GRSF1: variants seen among roughly 807,000 people sequenced by gnomAD.
GRSF1 encodes the protein G-rich sequence factor 1.
GRSF1 carries 50 observed loss-of-function variants against 51.1 expected under a neutral mutation model. That is an observed-to-expected ratio of 0.98 (90% CI 0.78 to 1.24). The LOEUF (loss-of-function observed/expected upper bound fraction) is 1.24. GRSF1 is among the 50% of genes most tolerant of loss of function. The pLI is 0.00. For missense variants in GRSF1, 700 were observed against 639.7 expected, an observed-to-expected ratio of 1.09 and a Z score of -1.02; for synonymous variants, 293 against 253.3, an observed-to-expected ratio of 1.16 and a Z score of -1.49.
chr4:70,826,545 A>C (rs1351152576), intron 6 of GRSF1, among the ~76,000 whole-genome samples: 1 of 152,080 alleles, frequency 6.6e-6, no homozygotes, highest in African/African-American at 2.4e-5. Flanking sequence ...TGAAAAAAAA[A>C]AAAAAGAACA....
rs1328440217 is a variant in GRSF1, at chr4:70,832,375, T to G, written c.746A>C (p.Asp249Ala). 2 of 1,611,744 alleles carry G rather than the reference T, an allele frequency of 1.2e-6. No homozygotes were observed. The highest frequency in any genetic ancestry group is 1.7e-6 in the Non-Finnish European group (2 of 1,178,372). The change falls in exon 4 of 10, where the codon GAT (aspartate) becomes GCT (alanine). Residue 249 changes from aspartate to alanine, a missense_variant. Transcript: ENST00000254799. ...LQVKSSPVVN[D>A]GVVRLRGLPY... is the part of the protein sequence containing the mutation. ...AAGTCCTCTCAAACGAACCACACCA[T>G]CATTTACCACAGGCGAAGATTTGAC...
chr4:70,839,116 A>C, intron 1 of GRSF1: 1 of 1,296,952 alleles, frequency 7.7e-7, no homozygotes, highest in Non-Finnish European at 1.0e-6. Context: ...CAACTTCACA[A>C]CCAGCCGGCG....
intron 1 of GRSF1, among the ~76,000 whole-genome samples, chr4:70,837,998 G>C (rs945682365): frequency 3.3e-5 from 5 of 151,686 alleles, no homozygotes; most frequent in African/African-American, 7.2e-5. Context: ...TTGGGAGGCA[G>C]AGGCGGGCGG....
rs1222684258 is a variant in GRSF1 at position 70,817,754 on chromosome 4, T to C, written c.*3133A>G. The C allele has an allele frequency of 6.6e-6, 1 of 152,218 alleles. No homozygotes were observed. The allele number at this position is 152,218 out of a possible 1,614,324, so 9.4% of individuals were successfully genotyped here. ...CTTAACTTACAATCCAGCAACCTGG[T>C]TCCTTGGTATTTACCCAAAGGAGCT... On this transcript the variant is annotated 3_prime_UTR_variant, in exon 10 of 10. Transcript: ENST00000254799.
At position 70,839,651 on chromosome 4, in the gene GRSF1, A is replaced by G; in HGVS notation, c.177T>C (p.Ala59=). The G allele has an allele frequency of 7.2e-7, 1 of 1,395,886 alleles. No individual in the cohort carries two copies. Among genetic ancestry groups the G allele is most frequent in the Non-Finnish European group, 9.2e-7 (1 of 1,088,132 alleles). 86.5% of individuals were successfully genotyped at this position (1,395,886 alleles called of 1,614,324 possible). A position where few individuals can be genotyped will look rare whatever the true frequency, so the allele number is the denominator to read the frequency against. Residue 59 remains alanine, a synonymous_variant, in exon 1 of 10, where the codon GCT becomes GCC. Coordinates refer to ENST00000254799, the MANE Select transcript of GRSF1 (RefSeq NM_002092.4). ...TCTGGAGGCCACGCGTCTGGGAGGC[A>G]GCGGCCGCGGCGGCCCCGAGCAGCA... The part of the protein sequence containing the change: ...LLLLLGAAAA[A]ASQTRGLQTG...
rs78442423 is a variant in GRSF1 at position 70,832,248 on chromosome 4, A to G, written c.814+59T>C. ...AGAAACAGGCTCATCTAAGATATAGAAGGAGATACCAAGGGAAAAAAGATA... is the reference window on the plus strand; with the variant it reads ...AGAAACAGGCTCATCTAAGATATAGGAGGAGATACCAAGGGAAAAAAGATA... On this transcript the variant is annotated intron_variant, in intron 4 of 9. Transcript: ENST00000254799. 613 of 1,462,438 alleles carry G rather than the reference A, an allele frequency of 4.2e-4. 3 individuals carry two copies. In the African/African-American group the frequency reaches 7.5e-3, roughly 18 times the overall value. The allele number at this position is 1,462,438 out of a possible 1,614,324, so 90.6% of individuals were successfully genotyped here. A position where few individuals can be genotyped will look rare whatever the true frequency, so the allele number is the denominator to read the frequency against.
upstream of GRSF1, among the ~76,000 whole-genome samples, chr4:70,841,089 A>G (rs1734445534): frequency 6.6e-6 from 1 of 152,094 alleles, no homozygotes; most frequent in South Asian, 2.1e-4. Flanking sequence ...GGAGCCCAAG[A>G]GTTCCAGACC....
chr4:70,838,663 A>G (rs1477140714), intron 1 of GRSF1, among the ~76,000 whole-genome samples: 2 of 152,228 alleles, frequency 1.3e-5, no homozygotes, highest in South Asian at 2.1e-4. Context: ...GTTCATCTAC[A>G]AAGCACAAAA....
intron 1 of GRSF1, among the ~76,000 whole-genome samples, chr4:70,836,986 T>C (rs768237071): frequency 4.3e-4 from 66 of 152,056 alleles, no homozygotes; most frequent in Non-Finnish European, 6.9e-4. Flanking sequence ...GGGCCTTGAG[T>C]GTGGAGCTCA....
Position 70,817,529 on chromosome 4 carries a change from T to C in GRSF1, c.*3358A>G, listed in dbSNP as rs1410661918. On this transcript the variant is annotated 3_prime_UTR_variant, in exon 10 of 10. Transcript: ENST00000254799. ...ATATAAGGATGGCAGATTAAGTATATGAAAAGGTGCTCCACATCACTATGG... is the reference window on the plus strand; with the variant it reads ...ATATAAGGATGGCAGATTAAGTATACGAAAAGGTGCTCCACATCACTATGG... 6.6e-6 allele frequency: 1 copy of C among 152,198 alleles called. No homozygotes were observed. The highest frequency in any genetic ancestry group is 1.5e-5 in the Non-Finnish European group (1 of 68,052). 9.4% of individuals were successfully genotyped at this position (152,198 alleles called of 1,614,324 possible).
upstream of GRSF1, among the ~76,000 whole-genome samples, chr4:70,841,470 T>A (rs1411220386): frequency 1.3e-5 from 2 of 152,182 alleles, no homozygotes; most frequent in African/African-American, 4.8e-5. Flanking sequence ...AAAAGGAAGT[T>A]GTTAGAGTAA....
At chr4:70,826,091 T>G in intron 7 of GRSF1, 33 bp downstream of exon 7, 6 of 1,582,798 alleles carry the variant, frequency 3.8e-6, no homozygotes, top group Non-Finnish European at 5.2e-6. Context: ...TTTGTTCAAA[T>G]CTATTGAGAT....
intron 5 of GRSF1, among the ~76,000 whole-genome samples, chr4:70,829,896 T>C (rs1201471273): frequency 6.6e-6 from 1 of 152,100 alleles, no homozygotes; most frequent in Non-Finnish European, 1.5e-5. Flanking sequence ...AAGGAGCTGA[T>C]TTAAAAGGCC....
At chr4:70,826,314 G>C (rs1733735765) in intron 6 of GRSF1, 69 bp from the exon 7 acceptor site, 3 of 1,332,660 alleles carry the variant, frequency 2.3e-6, no homozygotes, top group Admixed American at 5.1e-5. Context: ...ATTCTAATTA[G>C]GTATGACTTT....
intron 1 of GRSF1, 104 bp from the exon 2 acceptor site, chr4:70,836,418 T>C (rs1486551164): frequency 2.3e-6 from 2 of 864,972 alleles, no homozygotes; most frequent in Non-Finnish European, 3.4e-6. Context: ...ATTCTAGATG[T>C]TATTTCAGAA....
intron 2 of GRSF1, among the ~76,000 whole-genome samples, chr4:70,835,934 C>T (rs1184530766): frequency 6.6e-6 from 1 of 152,146 alleles, no homozygotes; most frequent in African/African-American, 2.4e-5. Flanking sequence ...TCTTTCAATT[C>T]GTTACATACC....
At chr4:70,829,720 G>C (rs1188132334) in intron 5 of GRSF1, among the ~76,000 whole-genome samples, 1 of 152,180 alleles carries the variant, frequency 6.6e-6, no homozygotes, top group Admixed American at 6.5e-5. Context: ...TGGCAGGACT[G>C]CTTGAGCCCA....
intron 9 of GRSF1, among the ~76,000 whole-genome samples, chr4:70,822,293 CAG>C (rs1351586466): frequency 2.0e-5 from 3 of 151,952 alleles, no homozygotes; most frequent in Non-Finnish European, 2.9e-5. Flanking sequence ...TACCTTAAAA[CAG>C]AAAATGGCTG....
intron 9 of GRSF1, among the ~76,000 whole-genome samples, chr4:70,822,820 G>A (rs1733576459): frequency 6.6e-6 from 1 of 152,162 alleles, no homozygotes; most frequent in African/African-American, 2.4e-5. Flanking sequence ...GCTGGGAGCA[G>A]TGGCTCACTC....
Sources: gnomAD v4.1 joint callset for allele counts (sites outside exome capture counted in the v4.1 genomes callset) on GRCh38, gnomAD v4.1.1 for gene constraint, MANE v1.5 for transcripts, NCBI Gene and HGNC (gene_info 2026-07-23, HGNC 2026-07-21) for gene names.